HNRNPK: variants seen among roughly 807,000 people sequenced by gnomAD.
The protein encoded by HNRNPK is heterogeneous nuclear ribonucleoprotein K, also known as dC-stretch binding protein.
Under a neutral mutation model 67.0 loss-of-function variants are expected in HNRNPK, and 7 were observed. That is an observed-to-expected ratio of 0.10 (90% CI 0.06 to 0.20). HNRNPK has a LOEUF of 0.20. Ranked by LOEUF, HNRNPK falls within the 10% of genes least tolerant of loss-of-function variation. The pLI is 1.00. For missense variants in HNRNPK, 264 were observed against 606.5 expected (o/e 0.44, Z 5.93); for synonymous variants, 213 against 193.7 (o/e 1.10, Z -0.83).
At chr9:83,973,103 C>A in intron 9 of HNRNPK, 131 bp from the exon 10 acceptor site, 2 of 776,926 alleles carry the variant, frequency 2.6e-6, no homozygotes, top group African/African-American at 1.8e-5. Flanking sequence ...TATCACAGGG[C>A]TTTGCAATGG....
intron 4 of HNRNPK, 49 bp downstream of exon 4, chr9:83,977,640 T>G (rs1564069462): frequency 9.1e-7 from 1 of 1,103,640 alleles, no homozygotes; most frequent in Non-Finnish European, 1.4e-6. Flanking sequence ...GACCTTAATT[T>G]CTACCTGAGT....
chr9:83,978,576 A>C (rs1353312037), intron 1 of HNRNPK, 124 bp from the exon 2 acceptor site: 3 of 210,026 alleles, frequency 1.4e-5, no homozygotes, highest in Non-Finnish European at 2.8e-5. Flanking sequence ...TTGATTCTTC[A>C]TTTTAGGGTT....
chr9:83,971,481 A>C (rs1478470242), intron 12 of HNRNPK, 125 bp from the exon 13 acceptor site: 2 of 802,108 alleles, frequency 2.5e-6, no homozygotes, highest in East Asian at 2.5e-5. Flanking sequence ...GCAATTTTGT[A>C]ATCGAGGGGA....
intron 13 of HNRNPK, 95 bp from the exon 14 acceptor site, chr9:83,971,007 A>T (rs1182279653): frequency 7.9e-7 from 1 of 1,265,290 alleles, no homozygotes; most frequent in African/African-American, 1.5e-5. Context: ...GAGTCTTGCT[A>T]TGTTGCCCAG....
In HNRNPK at chr9:83,979,498, G is replaced by A. The variant is rs73471374; in HGVS notation, c.-108+655C>T. 2.0e-5 allele frequency among the ~76,000 whole-genome samples: 3 copies of A among 152,266 alleles called. No homozygotes were observed. In the Middle Eastern group the frequency reaches 0.01, roughly 518 times the overall value. ...CCGCTAAGTATGTGCTCCACTGGCC[G>A]AGCGCCAACGCGCCCTCCCCTCCCC... On this transcript the variant is annotated intron_variant, in intron 1 of 16. Coordinates refer to ENST00000376263, the MANE Select transcript of HNRNPK (RefSeq NM_031263.4).
intron 1 of HNRNPK, among the ~76,000 whole-genome samples, chr9:83,979,749 A>G (rs997754453): frequency 2.6e-5 from 4 of 151,628 alleles, no homozygotes; most frequent in Admixed American, 2.6e-4. Context: ...GCCCGAGACA[A>G]AGCCATCGAG....
chr9:83,976,060 G>C (rs1232753739), intron 5 of HNRNPK, among the ~76,000 whole-genome samples: 1 of 152,040 alleles, frequency 6.6e-6, no homozygotes, highest in East Asian at 1.9e-4. Context: ...GTTTATAAAA[G>C]ACAAAACAAA....
intron 5 of HNRNPK, 141 bp from the exon 6 acceptor site, chr9:83,975,646 G>A: frequency 1.3e-6 from 1 of 750,798 alleles, no homozygotes; most frequent in Non-Finnish European, 2.5e-6. Flanking sequence ...GTTCAGGGGC[G>A]GATGGGCCAA....
At chr9:83,977,105 C>T (rs1216233271) in intron 4 of HNRNPK, 54 bp from the exon 5 acceptor site, 6 of 1,218,228 alleles carry the variant, frequency 4.9e-6, no homozygotes, top group Non-Finnish European at 7.3e-6. Flanking sequence ...AAATTAATAG[C>T]TACCTACGCT....
At chr9:83,976,465 AAC>A (rs1371418889) in intron 5 of HNRNPK, 2 of 152,294 alleles carry the variant, frequency 1.3e-5, no homozygotes, top group African/African-American at 2.4e-5. Flanking sequence ...GGCATTGACG[AAC>A]AGTTTCCCAA....
intron 13 of HNRNPK, 171 bp from the exon 14 acceptor site, chr9:83,971,083 G>T: frequency 2.7e-6 from 2 of 747,890 alleles, no homozygotes; most frequent in South Asian, 1.6e-5. Context: ...TTGGGATTAT[G>T]AGTGAGCACC....
chr9:83,979,416 G>A (rs1957248189), intron 1 of HNRNPK, among the ~76,000 whole-genome samples: 1 of 152,240 alleles, frequency 6.6e-6, no homozygotes, highest in South Asian at 2.1e-4. Flanking sequence ...GAATAACGTT[G>A]CCGCTTGCCG....
In HNRNPK at chr9:83,980,197, T is replaced by C. The variant is rs1003301153; in HGVS notation, c.-152A>G. 2 of 152,288 alleles carry C rather than the reference T, an allele frequency of 1.3e-5. No homozygotes were observed. Among genetic ancestry groups the C allele is most frequent in the African/African-American group, 4.8e-5 (2 of 41,418 alleles). 9.4% of individuals were successfully genotyped at this position (152,288 alleles called of 1,614,324 possible). ...TCCGCTGCCGCGCCGCCTCAGCCGG[T>C]CGGAGCTAGACAGAAAACGAGCGCA... On this transcript the variant is annotated 5_prime_UTR_variant, in exon 1 of 17. Transcript: ENST00000376263.
At position 83,976,967 on chromosome 9, in the gene HNRNPK, TGTA is replaced by T. The variant is rs762024033; in HGVS notation, c.213+25_213+27del. ...TAGACATATAAACTGAAGCTGCTCG[TGTA>T]GTAGTTTAAACTCTTAATACTTACG... is the stretch of plus-strand genomic sequence containing the variant. On this transcript the variant is annotated intron_variant, in intron 5 of 16. Transcript: ENST00000376263. The T allele has an allele frequency of 3.6e-6, 5 of 1,400,062 alleles. No homozygotes were observed. The Admixed American group carries it at 8.8e-5, about 25-fold the overall frequency. 86.7% of individuals were successfully genotyped at this position (1,400,062 alleles called of 1,614,324 possible).
Position 83,972,840 on chromosome 9 carries a change from G to A in HNRNPK, c.645+4C>T. On this transcript the variant is annotated splice_donor_region_variant and intron_variant, in intron 10 of 16. Coordinates refer to ENST00000376263, the MANE Select transcript of HNRNPK (RefSeq NM_031263.4). ...AAATGTAAACAAAAAGTGTTCTGAA[G>A]TACCTCAGATATAAGATCAAGGATG... 3 of 1,588,092 alleles carry A rather than the reference G, an allele frequency of 1.9e-6. No homozygotes were observed. The highest frequency in any genetic ancestry group is 1.9e-5 in the Admixed American group (1 of 53,532).
chr9:83,972,353 G>T lies in HNRNPK; in HGVS notation c.646-164C>A, dbSNP rs546077840. ...TCAACGCTAAAAGTAGCAAAGTAAA[G>T]ATTCCAAAGAAATCCAATACTTTTG... On this transcript the variant is annotated intron_variant, in intron 10 of 16. Coordinates refer to ENST00000376263, the MANE Select transcript of HNRNPK (RefSeq NM_031263.4). 104 of 591,360 alleles carry T rather than the reference G, an allele frequency of 1.8e-4. No homozygotes were observed. In the African/African-American group the frequency reaches 1.8e-3, roughly 10 times the overall value. The allele number at this position is 591,360 out of a possible 1,614,324, so 36.6% of individuals were successfully genotyped here.
In HNRNPK at chr9:83,970,800, A is replaced by G. The variant is rs2133019858; in HGVS notation, c.1128T>C (p.Gly376=). The change falls in exon 15 of 17, where the codon GGT becomes GGC. Residue 376 remains glycine (G), a synonymous_variant. Transcript: ENST00000376263. ...CACCAAGATCACCATATGAGCCACG[A>G]CCCCCTGCATAGGAATAATCTGATT... ...GSGYDYSYAG[G]RGSYGDLGGP... is the part of the protein sequence containing the mutation. 6.2e-7 allele frequency: 1 copy of G among 1,611,588 alleles called. No individual in the cohort carries two copies. The highest frequency in any genetic ancestry group is 8.5e-7 in the Non-Finnish European group (1 of 1,177,794).
chr9:83,969,178 C>G lies in HNRNPK; in HGVS notation c.*229G>C. 1.9e-6 allele frequency: 1 copy of G among 537,280 alleles called. No individual in the cohort carries two copies. Among genetic ancestry groups the G allele is most frequent in the Non-Finnish European group, 3.4e-6 (1 of 297,580 alleles). 33.3% of individuals were successfully genotyped at this position (537,280 alleles called of 1,614,324 possible). A position where few individuals can be genotyped will look rare whatever the true frequency, so the allele number is the denominator to read the frequency against. On this transcript the variant is annotated 3_prime_UTR_variant, in exon 17 of 17. Coordinates refer to ENST00000376263, the MANE Select transcript of HNRNPK (RefSeq NM_031263.4). ...ATTTCAATGTTAGTTTTTGCACGCC[C>G]TTCCCCCCCCCAACCCTGTTTGTAA...
chr9:83,978,331 TAAA>T (rs55698797), intron 2 of HNRNPK, 39 bp downstream of exon 2: 124,948 of 1,240,108 alleles, frequency 0.1, 94 homozygotes, highest in Middle Eastern at 0.13. Context: ...AAGCAAGCTG[TAAA>T]AAAAAAAAAA....
Sources: allele counts gnomAD v4.1 joint callset (sites outside exome capture counted in the v4.1 genomes callset), GRCh38; gene constraint gnomAD v4.1.1; transcripts MANE v1.5; gene names NCBI Gene and HGNC (gene_info 2026-07-23, HGNC 2026-07-21).